The following DCDC1 variants were observed in gnomAD, a reference collection of about 807,000 sequenced individuals.
The protein encoded by DCDC1 is doublecortin domain-containing protein 1.
In DCDC1, 200 loss-of-function variants were observed where a neutral mutation model predicts 178.3. The ratio of observed to expected loss-of-function variants is 1.12; its 90% CI spans 1.00 to 1.26. The LOEUF is 1.26. Ranked by LOEUF, DCDC1 falls within the 50% of genes most tolerant of loss-of-function variation. DCDC1 has a pLI of 0.00. For synonymous variants in DCDC1, 690 were observed against 604.8 expected, an observed-to-expected ratio of 1.14 and a Z score of -2.07; for missense variants, 1,983 against 1,749.2, an observed-to-expected ratio of 1.13 and a Z score of -2.38.
At chr11:31,316,154 C>T (rs1949104805) in intron 3 of DCDC1, among the ~76,000 whole-genome samples, 1 of 76,688 alleles carries the variant, frequency 1.3e-5, no homozygotes, top group Non-Finnish European at 2.3e-5. Flanking sequence ...ATTTATAGTC[C>T]TTTGGGTATA....
At chr11:31,302,154 G>A (rs1305956771) in intron 6 of DCDC1, among the ~76,000 whole-genome samples, 1 of 152,096 alleles carries the variant, frequency 6.6e-6, no homozygotes, top group Non-Finnish European at 1.5e-5. Context: ...TGGACCTAAC[G>A]AATTAGGTCT....
chr11:31,133,071 C>A (rs1962651605), intron 10 of DCDC1, among the ~76,000 whole-genome samples: 3 of 152,108 alleles, frequency 2.0e-5, no homozygotes, highest in Non-Finnish European at 4.4e-5. Flanking sequence ...AAGTGTTATT[C>A]TGTTTATAAT....
intron 9 of DCDC1, among the ~76,000 whole-genome samples, chr11:31,202,400 A>C (rs1263233141): frequency 6.9e-6 from 1 of 144,126 alleles, no homozygotes; most frequent in East Asian, 2.0e-4. Flanking sequence ...TCATCTCCGC[A>C]AAAAAAAAAA....
chr11:31,264,451 AAG>A (rs992927307), intron 8 of DCDC1, among the ~76,000 whole-genome samples: 1 of 151,914 alleles, frequency 6.6e-6, no homozygotes, highest in African/African-American at 2.4e-5. Flanking sequence ...GGGAGGCAGA[AAG>A]AGAGAGAGAG....
chr11:31,152,808 A>G (rs1965307255), intron 9 of DCDC1, among the ~76,000 whole-genome samples: 1 of 152,178 alleles, frequency 6.6e-6, no homozygotes, highest in Non-Finnish European at 1.5e-5. Flanking sequence ...CCATGCCACA[A>G]TGGGGCAGGC....
At chr11:31,151,306 T>C (rs1301479486) in intron 9 of DCDC1, among the ~76,000 whole-genome samples, 1 of 152,204 alleles carries the variant, frequency 6.6e-6, no homozygotes, top group East Asian at 1.9e-4. Context: ...AATTTTTAAA[T>C]TCAAATCGAA....
In DCDC1 at chr11:30,903,644, C is replaced by CTCTG; in HGVS notation, c.4344_4347dup (p.Ala1450GlnfsTer19). 1.2e-6 allele frequency: 2 copies of CTCTG among 1,610,022 alleles called. No individual in the cohort carries two copies. Among genetic ancestry groups the CTCTG allele is most frequent in the Non-Finnish European group, 1.7e-6 (2 of 1,178,072 alleles). On this transcript the variant is annotated frameshift_variant, in exon 32 of 39. Transcript: ENST00000684477. LOFTEE classifies it high-confidence loss of function. ...TCTTTGGTATATACTTTGGAGGCTGCTCTGGCAAGCCCAAGTTGTTCCGTG... is the reference window on the plus strand; with the variant it reads ...TCTTTGGTATATACTTTGGAGGCTGCTCTGTCTGGCAAGCCCAAGTTGTTCCGTG...
At chr11:30,984,676 T>C (rs1202396550) in intron 20 of DCDC1, among the ~76,000 whole-genome samples, 1 of 152,198 alleles carries the variant, frequency 6.6e-6, no homozygotes, top group Non-Finnish European at 1.5e-5. Flanking sequence ...CCCGTGACTT[T>C]AAGAAGCAGC....
intron 23 of DCDC1, 24 bp downstream of exon 23, chr11:30,925,285 C>T (rs1049931774): frequency 6.9e-6 from 11 of 1,586,848 alleles, no homozygotes; most frequent in Non-Finnish European, 8.6e-6. Context: ...ATTAATATTG[C>T]CAGTTTCAAA....
chr11:30,948,818 C>A (rs539500728), intron 21 of DCDC1, among the ~76,000 whole-genome samples: 1 of 152,270 alleles, frequency 6.6e-6, no homozygotes, highest in Admixed American at 6.5e-5. Context: ...AAAATTGAAA[C>A]TGGACCCCTT....
chr11:30,938,925 G>C (rs1187515768), intron 21 of DCDC1, among the ~76,000 whole-genome samples: 2 of 127,706 alleles, frequency 1.6e-5, no homozygotes, highest in African/African-American at 6.8e-5. Flanking sequence ...CCTCATGTCT[G>C]AGTTTTCCTG....
chr11:31,250,179 A>T (rs1457654354), intron 8 of DCDC1, among the ~76,000 whole-genome samples: 1 of 151,816 alleles, frequency 6.6e-6, no homozygotes, highest in Non-Finnish European at 1.5e-5. Flanking sequence ...ACAAAGTAGG[A>T]GAACATGTAA....
At chr11:31,346,977 C>T (rs1950850245) in intron 1 of DCDC1, among the ~76,000 whole-genome samples, 1 of 152,134 alleles carries the variant, frequency 6.6e-6, no homozygotes, top group African/African-American at 2.4e-5. Context: ...TCAGAAATCA[C>T]ATATTTTCCA....
chr11:30,968,818 G>A (rs1949620132), intron 20 of DCDC1, among the ~76,000 whole-genome samples: 1 of 147,342 alleles, frequency 6.8e-6, no homozygotes, highest in South Asian at 2.1e-4. Context: ...TTAAAATCTA[G>A]CTGGTGAATT....
intron 15 of DCDC1, among the ~76,000 whole-genome samples, chr11:31,098,275 T>C (rs189666356): frequency 3.9e-5 from 6 of 152,344 alleles, no homozygotes; most frequent in Middle Eastern, 3.4e-3. Context: ...TCTAGTTTGA[T>C]TGCCCTTAAA....
intron 37 of DCDC1, among the ~76,000 whole-genome samples, chr11:30,880,955 C>A (rs527822783): frequency 6.6e-6 from 1 of 152,080 alleles, no homozygotes; most frequent in Admixed American, 6.5e-5. Flanking sequence ...AACTGAAATG[C>A]GATTGAATTC....
At chr11:31,094,741 T>C (rs972109633) in intron 15 of DCDC1, among the ~76,000 whole-genome samples, 2 of 152,120 alleles carry the variant, frequency 1.3e-5, no homozygotes, top group African/African-American at 4.8e-5. Flanking sequence ...GTAGAAAGTG[T>C]CAAGTGCAAA....
At chr11:31,034,518 C>T (rs1017565268) in intron 20 of DCDC1, among the ~76,000 whole-genome samples, 1 of 152,094 alleles carries the variant, frequency 6.6e-6, no homozygotes, top group Admixed American at 6.6e-5. Context: ...ATCTTTTATG[C>T]CATAATTTTA....
At chr11:30,960,388 T>G (rs376266265) in intron 20 of DCDC1, among the ~76,000 whole-genome samples, 1 of 152,250 alleles carries the variant, frequency 6.6e-6, no homozygotes, top group East Asian at 1.9e-4. Flanking sequence ...GACTGCAGAG[T>G]TCTGACACAG....
Sources: gnomAD v4.1 joint callset for allele counts (sites outside exome capture counted in the v4.1 genomes callset) on GRCh38, gnomAD v4.1.1 for gene constraint, MANE v1.5 for transcripts, NCBI Gene and HGNC (gene_info 2026-07-23, HGNC 2026-07-21) for gene names.